Variants in WDPCP observed in about 807,000 individuals in gnomAD.
WDPCP encodes WD repeat-containing and planar cell polarity effector protein fritz homolog.
A neutral mutation model predicts 93.1 loss-of-function variants in WDPCP; 71 were observed. The observed-to-expected ratio is 0.76, with a 90% confidence interval of 0.63 to 0.93. WDPCP has a LOEUF of 0.93. Among genes scored for constraint, WDPCP ranks in the 40% least tolerant of loss-of-function variants. The pLI is 0.00. For missense variants in WDPCP, 844 were observed against 887.4 expected (o/e 0.95, Z 0.62); for synonymous variants, 315 against 315.0 (o/e 1.00, Z 0.00).
rs184279032 is a variant in WDPCP, at chr2:63,405,957, G to A, written c.826-1300C>T. The stretch of plus-strand genomic sequence containing the variant: ...CCTGAGTTAACAGTATAGTAACAAG[G>A]TCATTTTCCTGTATTTGACAGTGTA... On this transcript the variant is annotated intron_variant, in intron 9 of 17. Transcript: ENST00000272321. 9.8e-4 allele frequency among the ~76,000 whole-genome samples: 149 copies of A among 152,232 alleles called. 1 individual carries two copies. The highest frequency in any genetic ancestry group is 1.9e-3 in the Non-Finnish European group (126 of 68,008).
chr2:63,619,147 C>A (rs1424960460), intron 3 of WDPCP, among the ~76,000 whole-genome samples: 1 of 152,238 alleles, frequency 6.6e-6, no homozygotes, highest in Non-Finnish European at 1.5e-5. Flanking sequence ...TTGACCACCA[C>A]TCCCTTCCTC....
intron 12 of WDPCP, among the ~76,000 whole-genome samples, chr2:63,330,169 T>C (rs1208010526): frequency 6.6e-6 from 1 of 152,162 alleles, no homozygotes; most frequent in East Asian, 1.9e-4. Flanking sequence ...CTTTATACTG[T>C]TTTCCACAGG....
intron 17 of WDPCP, among the ~76,000 whole-genome samples, chr2:63,130,890 A>G (rs1670246613): frequency 6.6e-6 from 1 of 152,124 alleles, no homozygotes; most frequent in African/African-American, 2.4e-5. Flanking sequence ...TGTTTGGTAC[A>G]TACATATTTA....
intron 2 of WDPCP, among the ~76,000 whole-genome samples, chr2:63,771,472 T>C (rs1575769171): frequency 2.0e-5 from 3 of 152,122 alleles, no homozygotes; most frequent in Non-Finnish European, 2.9e-5. Context: ...AATTAAAGAA[T>C]AAATAACACC....
At chr2:63,540,737 T>C (rs759641034) in intron 1 of WDPCP, among the ~76,000 whole-genome samples, 1 of 152,124 alleles carries the variant, frequency 6.6e-6, no homozygotes, top group Non-Finnish European at 1.5e-5. Flanking sequence ...CATTTTGATA[T>C]AGTGGTTTTT....
intron 2 of WDPCP, among the ~76,000 whole-genome samples, chr2:63,722,347 T>C (rs1381298163): frequency 7.4e-6 from 1 of 135,108 alleles, no homozygotes; most frequent in Non-Finnish European, 1.6e-5. Flanking sequence ...CGGCCGCCCA[T>C]CGTCTGAGAT....
intron 2 of WDPCP, among the ~76,000 whole-genome samples, chr2:63,709,837 G>A (rs571799769): frequency 3.9e-5 from 6 of 152,224 alleles, no homozygotes; most frequent in Admixed American, 6.5e-5. Flanking sequence ...AATGTTTGAC[G>A]AAGGGCTACT....
At chr2:63,807,809 A>C (rs1446958366) in intron 2 of WDPCP, among the ~76,000 whole-genome samples, 1 of 152,208 alleles carries the variant, frequency 6.6e-6, no homozygotes, top group Non-Finnish European at 1.5e-5. Flanking sequence ...TTCTGTATGA[A>C]AGAACTTGAA....
chr2:63,588,699 C>A (rs866987634), upstream of WDPCP: 3 of 486,254 alleles, frequency 6.2e-6, no homozygotes, highest in African/African-American at 3.9e-5. Context: ...CTCCATCAGG[C>A]AGGTCCTTTC....
chr2:63,460,899 T>G (rs1698964130), intron 6 of WDPCP, among the ~76,000 whole-genome samples: 1 of 151,382 alleles, frequency 6.6e-6, no homozygotes, highest in South Asian at 2.1e-4. Flanking sequence ...GTGCTGGGAT[T>G]ACAGGTGTGA....
intron 2 of WDPCP, among the ~76,000 whole-genome samples, chr2:63,651,729 A>G (rs1710111680): frequency 6.6e-6 from 1 of 152,184 alleles, no homozygotes; most frequent in Non-Finnish European, 1.5e-5. Flanking sequence ...GATGTTCACC[A>G]CATCTACAAA....
At chr2:63,558,734 A>G (rs887819764) in intron 1 of WDPCP, among the ~76,000 whole-genome samples, 1 of 152,234 alleles carries the variant, frequency 6.6e-6, no homozygotes, top group African/African-American at 2.4e-5. Flanking sequence ...TGAACCAGGA[A>G]GAAGCTGAAT....
chr2:63,754,375 T>C (rs1464973271), intron 2 of WDPCP, among the ~76,000 whole-genome samples: 1 of 152,144 alleles, frequency 6.6e-6, no homozygotes, highest in Non-Finnish European at 1.5e-5. Flanking sequence ...CCTAGGCAAA[T>C]AAAATAGGAT....
At chr2:63,555,590 C>T (rs761321066) in intron 1 of WDPCP, among the ~76,000 whole-genome samples, 1 of 152,122 alleles carries the variant, frequency 6.6e-6, no homozygotes, top group Non-Finnish European at 1.5e-5. Context: ...CAGGAGCATT[C>T]CCACTGGATC....
chr2:63,458,049 A>C (rs1446537118), intron 6 of WDPCP, among the ~76,000 whole-genome samples: 1 of 151,032 alleles, frequency 6.6e-6, no homozygotes, highest in Non-Finnish European at 1.5e-5. Flanking sequence ...GCTTGAACCC[A>C]GGAGGCCAAG....
chr2:63,622,085 GGAAGT>G, intron 3 of WDPCP: 1 of 472,308 alleles, frequency 2.1e-6, no homozygotes, highest in Non-Finnish European at 2.8e-6. Context: ...TTTTTTTTTT[GGAAGT>G]TGATTTTTAA....
At chr2:63,182,804 C>CT (rs1674348864) in intron 14 of WDPCP, among the ~76,000 whole-genome samples, 1 of 121,164 alleles carries the variant, frequency 8.3e-6, no homozygotes, top group African/African-American at 3.2e-5. Context: ...CCTTAGGAGA[C>CT]TTTTTTGTTA....
At position 63,223,754 on chromosome 2, in the gene WDPCP, C is replaced by T. The variant is rs564967852; in HGVS notation, c.1915+35553G>A. ...GGTTTAAAAACTTACATTTTAATCA[C>T]ATAGATATCCAAATAACCTAGCACC... is the stretch of plus-strand genomic sequence containing the variant. On this transcript the variant is annotated intron_variant, in intron 14 of 17. Transcript: ENST00000272321. 2.0e-5 allele frequency among the ~76,000 whole-genome samples: 3 copies of T among 152,202 alleles called. No homozygotes were observed. In the East Asian group the frequency reaches 5.8e-4, roughly 29 times the overall value.
At chr2:63,829,047 G>A (rs900074482), upstream of WDPCP, among the ~76,000 whole-genome samples, 11 of 151,876 alleles carry the variant, frequency 7.2e-5, no homozygotes, top group Admixed American at 2.0e-4. Context: ...AGTAATACAC[G>A]AGTTTAAAAA....
Sources: allele counts gnomAD v4.1 joint callset (sites outside exome capture counted in the v4.1 genomes callset), GRCh38; gene constraint gnomAD v4.1.1; transcripts MANE v1.5; gene names NCBI Gene and HGNC (gene_info 2026-07-23, HGNC 2026-07-21).